The following RTF2 variants were observed in gnomAD, a reference collection of about 807,000 sequenced individuals.
RTF2 encodes replication termination factor 2, also known as UPF0549 protein C20orf43.
In RTF2, 18 loss-of-function variants were observed where a neutral mutation model predicts 38.0. The ratio of observed to expected loss-of-function variants is 0.47; its 90% CI spans 0.33 to 0.70. RTF2 has a LOEUF of 0.70. Ranked by LOEUF, RTF2 falls within the 30% of genes least tolerant of loss-of-function variation. RTF2 has a pLI of 0.02. For missense variants in RTF2, 311 were observed against 379.6 expected (o/e 0.82, Z 1.50); for synonymous variants, 126 against 137.1 (o/e 0.92, Z 0.57).
chr20:56,472,394 G>A lies in RTF2; in HGVS notation c.70-907G>A, dbSNP rs750481164. 4 of 1,544,152 alleles carry A rather than the reference G, an allele frequency of 2.6e-6. No individual in the cohort carries two copies. In the South Asian group the frequency reaches 3.6e-5, roughly 14 times the overall value. On this transcript the variant is annotated intron_variant, in intron 1 of 8. Transcript: ENST00000357348. Reference sequence around the variant, plus strand: ...GTGAAGGAAAAAACAAGAACGGGAAGGAGTGGGACATGGAATATGATGTAT... The same window carrying A: ...GTGAAGGAAAAAACAAGAACGGGAAAGAGTGGGACATGGAATATGATGTAT...
chr20:56,484,234 G>A (rs778983432), intron 5 of RTF2, 45 bp downstream of exon 5: 2 of 1,464,866 alleles, frequency 1.4e-6, no homozygotes, highest in East Asian at 2.3e-5. Flanking sequence ...TGTAGCTGAG[G>A]AAATCAGATG....
intron 5 of RTF2, among the ~76,000 whole-genome samples, chr20:56,487,508 G>A (rs6092321): frequency 0.8 from 121,074 of 152,188 alleles, 48,374 homozygotes; most frequent in East Asian, 0.99. Flanking sequence ...TTATGACAGG[G>A]CACTGGTTGA....
At chr20:56,502,145 G>A (rs1435111132) in intron 5 of RTF2, among the ~76,000 whole-genome samples, 1 of 152,186 alleles carries the variant, frequency 6.6e-6, no homozygotes, top group Non-Finnish European at 1.5e-5. Context: ...GTATCTTTCA[G>A]TGGAAATCAT....
intron 5 of RTF2, among the ~76,000 whole-genome samples, chr20:56,494,117 A>G (rs1983352021): frequency 6.6e-6 from 1 of 152,148 alleles, no homozygotes; most frequent in African/African-American, 2.4e-5. Flanking sequence ...CGGAAGATTT[A>G]CCACCTCCCT....
intron 5 of RTF2, among the ~76,000 whole-genome samples, chr20:56,488,074 C>T (rs911752414): frequency 2.0e-5 from 3 of 152,068 alleles, no homozygotes; most frequent in South Asian, 2.1e-4. Flanking sequence ...AATCATAGAG[C>T]GTGGGGCCAG....
chr20:56,494,129 C>T (rs1983353473), intron 5 of RTF2, among the ~76,000 whole-genome samples: 1 of 152,226 alleles, frequency 6.6e-6, no homozygotes, highest in Non-Finnish European at 1.5e-5. Flanking sequence ...CACCTCCCTA[C>T]ACACCAGGGC....
intron 4 of RTF2, among the ~76,000 whole-genome samples, chr20:56,481,872 A>G (rs1696657023): frequency 6.6e-6 from 1 of 152,220 alleles, no homozygotes; most frequent in African/African-American, 2.4e-5. Flanking sequence ...TTTCATATGC[A>G]TAGAATCATA....
At chr20:56,469,988 CTTCTT>C (rs1179152180) in intron 1 of RTF2, among the ~76,000 whole-genome samples, 3 of 152,324 alleles carry the variant, frequency 2.0e-5, no homozygotes, top group Admixed American at 6.5e-5. Flanking sequence ...TCTCTCTTCT[CTTCTT>C]AACAGTGCCT....
intron 3 of RTF2, among the ~76,000 whole-genome samples, chr20:56,476,747 C>T (rs1243258656): frequency 6.6e-6 from 1 of 152,124 alleles, no homozygotes; most frequent in African/African-American, 2.4e-5. Flanking sequence ...GATCCGCCTG[C>T]CTCGGCCTCC....
At chr20:56,506,446 A>G (rs1219422588) in intron 5 of RTF2, among the ~76,000 whole-genome samples, 1 of 152,122 alleles carries the variant, frequency 6.6e-6, no homozygotes, top group African/African-American at 2.4e-5. Flanking sequence ...AAGCACAAAG[A>G]TTGGGAAGCC....
intron 5 of RTF2, among the ~76,000 whole-genome samples, chr20:56,491,994 T>G (rs988207700): frequency 1.3e-5 from 2 of 152,162 alleles, no homozygotes; most frequent in Non-Finnish European, 2.9e-5. Context: ...ATTCTTTTAG[T>G]GATTTCTGAA....
At chr20:56,514,750 T>G (rs1984910699) in intron 6 of RTF2, among the ~76,000 whole-genome samples, 1 of 152,184 alleles carries the variant, frequency 6.6e-6, no homozygotes, top group African/African-American at 2.4e-5. Flanking sequence ...ATCGTTTTAC[T>G]TAGGTAGAAA....
intron 5 of RTF2, among the ~76,000 whole-genome samples, chr20:56,487,770 C>T (rs975833121): frequency 6.6e-6 from 1 of 152,206 alleles, no homozygotes; most frequent in Non-Finnish European, 1.5e-5. Flanking sequence ...GGGTTAGTTT[C>T]TTCTGAGGGA....
At chr20:56,479,197 A>C (rs538343402) in intron 4 of RTF2, among the ~76,000 whole-genome samples, 1 of 152,116 alleles carries the variant, frequency 6.6e-6, no homozygotes, top group African/African-American at 2.4e-5. Context: ...CCCTCCTCTC[A>C]TGAATCACAG....
At chr20:56,514,196 GTAA>G (rs953562796) in intron 6 of RTF2, 2 of 152,208 alleles carry the variant, frequency 1.3e-5, no homozygotes, top group African/African-American at 4.8e-5. Flanking sequence ...GCATTGCTGA[GTAA>G]CGTGGCGGAG....
At chr20:56,476,829 A>G (rs1364114406) in intron 3 of RTF2, 156 bp from the exon 4 acceptor site, 1 of 230,610 alleles carries the variant, frequency 4.3e-6, no homozygotes, top group African/African-American at 2.3e-5. Flanking sequence ...ATGGTTTAAT[A>G]TTATATCCAT....
intron 5 of RTF2, among the ~76,000 whole-genome samples, chr20:56,488,923 G>T (rs894005408): frequency 1.3e-5 from 2 of 152,078 alleles, no homozygotes; most frequent in Non-Finnish European, 2.9e-5. Context: ...CTGCCTCTCG[G>T]CCTCCCCACC....
At chr20:56,477,335 G>A (rs761250608) in intron 4 of RTF2, among the ~76,000 whole-genome samples, 105 of 152,126 alleles carry the variant, frequency 6.9e-4, no homozygotes, top group Non-Finnish European at 1.4e-3. Flanking sequence ...AGCCTGGTCT[G>A]CGGCCTTCCG....
At chr20:56,491,768 T>C (rs1313173394) in intron 5 of RTF2, 2 of 1,551,382 alleles carry the variant, frequency 1.3e-6, no homozygotes, top group South Asian at 2.4e-5. Context: ...TACGCAGATG[T>C]CTTCGACGTA....
Sources: allele counts gnomAD v4.1 joint callset (sites outside exome capture counted in the v4.1 genomes callset), GRCh38; gene constraint gnomAD v4.1.1; transcripts MANE v1.5; gene names NCBI Gene and HGNC (gene_info 2026-07-23, HGNC 2026-07-21).